AP2A1: variants seen among roughly 807,000 people sequenced by gnomAD.
AP2A1 encodes adaptor related protein complex 2 subunit alpha 1.
Under a neutral mutation model 107.3 loss-of-function variants are expected in AP2A1, and 21 were observed. That is an observed-to-expected ratio of 0.20 (90% CI 0.14 to 0.28). The LOEUF is 0.28. Among genes scored for constraint, AP2A1 ranks in the 10% least tolerant of loss-of-function variants. The pLI is 1.00. For synonymous variants in AP2A1, 602 were observed against 564.8 expected (o/e 1.07, Z -0.93); for missense variants, 873 against 1,307.7 (o/e 0.67, Z 5.13).
intron 1 of AP2A1, among the ~76,000 whole-genome samples, chr19:49,778,950 CTT>C (rs2084644707): frequency 6.7e-6 from 1 of 150,270 alleles, no homozygotes; most frequent in African/African-American, 2.5e-5. Context: ...AATCCCAGCA[CTT>C]TGGGTGGCTG....
intron 15 of AP2A1, 188 bp downstream of exon 15, chr19:49,802,329 C>A (rs1369011369): frequency 1.2e-6 from 1 of 822,052 alleles, no homozygotes; most frequent in Admixed American, 2.0e-5. Flanking sequence ...CCTCCCTCTG[C>A]CACTCTGGAC....
At chr19:49,806,060 G>A (rs2073374405) in intron 21 of AP2A1, 59 bp from the exon 22 acceptor site, 2 of 1,600,644 alleles carry the variant, frequency 1.2e-6, no homozygotes, top group South Asian at 2.2e-5. Context: ...GATCTGGGAT[G>A]CCACTGTGTG....
chr19:49,806,706 G>A lies in AP2A1; in HGVS notation c.2816G>A (p.Ser939Asn). Residue 939 changes from serine (S) to asparagine (N), a missense_variant, in exon 23 of 23, where the codon AGC (serine) becomes AAC (asparagine). This residue lies in a region of AP2A1 where 416 missense variants were observed against 473.4 expected (regional missense o/e 0.88). Coordinates refer to ENST00000354293, the MANE Select transcript of AP2A1 (RefSeq NM_130787.3). ...AQMYRLTLRT[S>N]KEPVSRHLCE... ...ATGTACCGGCTGACCCTGCGCACCA[G>A]CAAGGAGCCCGTCTCCCGTCACCTG... 1.2e-6 allele frequency: 2 copies of A among 1,613,320 alleles called. No individual in the cohort carries two copies. The highest frequency in any genetic ancestry group is 1.7e-6 in the Non-Finnish European group (2 of 1,179,848).
chr19:49,806,164 C>G lies in AP2A1; in HGVS notation c.2701C>G (p.Pro901Ala). 3 of 1,581,286 alleles carry G rather than the reference C, an allele frequency of 1.9e-6. No homozygotes were observed. The highest frequency in any genetic ancestry group is 2.6e-6 in the Non-Finnish European group (3 of 1,164,252). The change falls in exon 22 of 23, where the codon CCT becomes GCT. Residue 901 changes from proline (P) to alanine (A), a missense_variant. Physicochemically the swap from Pro to Ala is conservative, Grantham distance 27 (BLOSUM62 -1). Coordinates refer to ENST00000354293, the MANE Select transcript of AP2A1 (RefSeq NM_130787.3). ...TCTCCTGGACAATGTGGACCCCAAC[C>G]CTGAGAACTTCGTGGGGGCGGGGAT... The part of the protein sequence containing the change: ...SALLDNVDPN[P>A]ENFVGAGIIQ...
chr19:49,803,215 G>A (rs753994640), intron 17 of AP2A1, 26 bp downstream of exon 17: 5 of 1,613,800 alleles, frequency 3.1e-6, no homozygotes, highest in Non-Finnish European at 4.2e-6. Context: ...CTGTGGGAAT[G>A]GGTCGGAGGG....
chr19:49,790,152 T>G (rs1188309368), intron 4 of AP2A1, among the ~76,000 whole-genome samples: 1 of 152,158 alleles, frequency 6.6e-6, no homozygotes, highest in Non-Finnish European at 1.5e-5. Flanking sequence ...GCTCGTCCCT[T>G]CCGGGGGCCC....
chr19:49,774,720 A>G (rs1423999794), intron 1 of AP2A1, among the ~76,000 whole-genome samples: 5 of 148,462 alleles, frequency 3.4e-5, no homozygotes, highest in Non-Finnish European at 7.4e-5. Flanking sequence ...CAGGAGTTTG[A>G]GACCAACCTG....
At chr19:49,806,277 G>A in intron 22 of AP2A1, 24 bp downstream of exon 22, 1 of 1,576,352 alleles carries the variant, frequency 6.3e-7, no homozygotes, top group Non-Finnish European at 8.6e-7. Flanking sequence ...TGGGAGGCCT[G>A]AGGCCGGCAG....
chr19:49,771,303 T>TAAAA (rs902347385), intron 1 of AP2A1, among the ~76,000 whole-genome samples: 132 of 97,648 alleles, frequency 1.4e-3, no homozygotes, highest in Non-Finnish European at 1.7e-3. Context: ...CCTCATCTCT[T>TAAAA]AAAAAAAAAA....
In AP2A1 at chr19:49,793,063, G is replaced by T; in HGVS notation, c.676G>T (p.Val226Phe). ...GAACCCAGATGACTTCAAGACGTGC[G>T]TCTCTCTGGCTGTGTCGCGCCTGAG... ...KKNPDDFKTCVSLAVSRLSRI... is the reference protein window; with the variant it reads ...KKNPDDFKTCFSLAVSRLSRI... The change falls in exon 6 of 23, where the codon GTC (valine) becomes TTC (phenylalanine). Residue 226 changes from valine (V) to phenylalanine (F), a missense_variant. This residue lies in a region of AP2A1 where 157 missense variants were observed against 212.6 expected (regional missense o/e 0.74). Coordinates refer to ENST00000354293, the MANE Select transcript of AP2A1 (RefSeq NM_130787.3). 6.2e-7 allele frequency: 1 copy of T among 1,609,786 alleles called. No homozygotes were observed.
rs1555790904 is a variant in AP2A1, at chr19:49,767,008, A to AGCCAGCCC, written c.-123_-122insAGCCCGCC. On this transcript the variant is annotated 5_prime_UTR_variant, in exon 1 of 23. Coordinates refer to ENST00000354293, the MANE Select transcript of AP2A1 (RefSeq NM_130787.3). ...CAGCCCGCCCGCCCGCCCGCCAGCC[A>AGCCAGCCC]GCCCTCCCCGCGGCCGGCTCGGCTC... is the stretch of plus-strand genomic sequence containing the variant. The AGCCAGCCC allele has an allele frequency of 3.9e-6, 2 of 514,642 alleles. No individual in the cohort carries two copies. The highest frequency in any genetic ancestry group is 4.3e-5 in the African/African-American group (2 of 46,926). The allele number at this position is 514,642 out of a possible 1,614,324, so 31.9% of individuals were successfully genotyped here.
chr19:49,772,099 C>T (rs1337454888), intron 1 of AP2A1, among the ~76,000 whole-genome samples: 4 of 152,000 alleles, frequency 2.6e-5, no homozygotes, highest in African/African-American at 9.7e-5. Flanking sequence ...GCTCTGTCAT[C>T]CCGGCTGGAG....
intron 4 of AP2A1, among the ~76,000 whole-genome samples, chr19:49,782,936 G>A (rs749649320): frequency 6.6e-6 from 1 of 152,220 alleles, no homozygotes; most frequent in Non-Finnish European, 1.5e-5. Flanking sequence ...GGCTGCTCCC[G>A]GCAAAGCCAG....
chr19:49,802,545 C>G, intron 15 of AP2A1: 1 of 1,606,034 alleles, frequency 6.2e-7, no homozygotes, highest in Middle Eastern at 1.7e-4. Context: ...GAGCTGGAGC[C>G]GCCTGCCCCC....
intron 15 of AP2A1, chr19:49,802,669 G>A: frequency 1.4e-6 from 2 of 1,398,742 alleles, no homozygotes; most frequent in Non-Finnish European, 1.9e-6. Context: ...AGAGTTAGGG[G>A]ACTGGGAGCC....
chr19:49,776,488 A>G (rs1388237593), intron 1 of AP2A1, among the ~76,000 whole-genome samples: 1 of 151,740 alleles, frequency 6.6e-6, no homozygotes, highest in Non-Finnish European at 1.5e-5. Flanking sequence ...GTCTGCCACC[A>G]CTCCAATCCA....
intron 7 of AP2A1, chr19:49,797,063 A>T (rs2073222903): frequency 6.6e-6 from 1 of 152,096 alleles, no homozygotes; most frequent in South Asian, 2.1e-4. Context: ...GGCTTAAGTC[A>T]TGCTCTAAGC....
chr19:49,798,306 C>A (rs1437968396), intron 7 of AP2A1, among the ~76,000 whole-genome samples: 1 of 152,132 alleles, frequency 6.6e-6, no homozygotes, highest in Non-Finnish European at 1.5e-5. Flanking sequence ...GCCTCTAGGC[C>A]AGGAGGATGG....
In AP2A1 at chr19:49,782,528, C is replaced by A; in HGVS notation, c.280-3C>A. 3 of 1,612,916 alleles carry A rather than the reference C, an allele frequency of 1.9e-6. No homozygotes were observed. Among genetic ancestry groups the A allele is most frequent in the Non-Finnish European group, 2.5e-6 (3 of 1,179,264 alleles). Reference sequence around the variant, plus strand: ...TAGCCATCCACGACCTCCCTCCCCACAGGGTTACCTGTTCATTTCTGTGCT... The same window carrying A: ...TAGCCATCCACGACCTCCCTCCCCAAAGGGTTACCTGTTCATTTCTGTGCT... On this transcript the variant is annotated splice_polypyrimidine_tract_variant and splice_region_variant and intron_variant, in intron 3 of 22. Coordinates refer to ENST00000354293, the MANE Select transcript of AP2A1 (RefSeq NM_130787.3).
Sources: gnomAD v4.1 joint callset for allele counts (sites outside exome capture counted in the v4.1 genomes callset) on GRCh38, gnomAD v4.1.1 for gene constraint, gnomAD v4.1.1 regional missense constraint, MANE v1.5 for transcripts, NCBI Gene and HGNC (gene_info 2026-07-23, HGNC 2026-07-21) for gene names.